The following TBXAS1 variants were observed in gnomAD, a reference collection of about 807,000 sequenced individuals.
TBXAS1 encodes the protein thromboxane A synthase 1, also known as thromboxane-A synthase.
In TBXAS1, 48 loss-of-function variants were observed where a neutral mutation model predicts 60.7. The observed-to-expected ratio is 0.79, with a 90% confidence interval of 0.63 to 1.01. The LOEUF (loss-of-function observed/expected upper bound fraction) is 1.01. Among genes scored for constraint, TBXAS1 ranks in the 50% least tolerant of loss-of-function variants. The pLI is 0.00. For synonymous variants in TBXAS1, 287 were observed against 269.7 expected (o/e 1.06, Z -0.63); for missense variants, 685 against 686.3 (o/e 1.00, Z 0.02).
intron 10 of TBXAS1, among the ~76,000 whole-genome samples, chr7:140,009,363 G>A (rs1814341595): frequency 6.6e-6 from 1 of 152,134 alleles, no homozygotes; most frequent in African/African-American, 2.4e-5. Context: ...TCCTTCCTAC[G>A]GGTTAAATGG....
intron 1 of TBXAS1, among the ~76,000 whole-genome samples, chr7:139,843,712 C>T (rs6972693): frequency 0.46 from 69,685 of 152,064 alleles, 17,122 homozygotes; most frequent in East Asian, 0.88. Context: ...AGAGGAGGGC[C>T]CACATCTTAA....
intron 4 of TBXAS1, among the ~76,000 whole-genome samples, chr7:139,810,608 C>G (rs1429856897): frequency 6.6e-6 from 1 of 152,202 alleles, no homozygotes; most frequent in Non-Finnish European, 1.5e-5. Context: ...TTTTTGTATA[C>G]TATTAACTGC....
At chr7:139,931,338 G>A (rs1187771197) in intron 4 of TBXAS1, among the ~76,000 whole-genome samples, 2 of 152,152 alleles carry the variant, frequency 1.3e-5, no homozygotes, top group South Asian at 2.1e-4. Flanking sequence ...TGACAGACAG[G>A]AGCCTCGAAA....
chr7:140,012,677 T>A (rs1490449238), intron 10 of TBXAS1, among the ~76,000 whole-genome samples: 1 of 152,010 alleles, frequency 6.6e-6, no homozygotes, highest in Admixed American at 6.6e-5. Flanking sequence ...CAGGCTGGTC[T>A]CCAGCTCCTG....
chr7:139,889,168 C>T (rs952209159), intron 3 of TBXAS1, among the ~76,000 whole-genome samples: 1 of 151,738 alleles, frequency 6.6e-6, no homozygotes, highest in Non-Finnish European at 1.5e-5. Flanking sequence ...CACATCTCTA[C>T]AAAAAATACC....
intron 4 of TBXAS1, among the ~76,000 whole-genome samples, chr7:139,810,692 G>A (rs747227052): frequency 4.6e-5 from 7 of 152,118 alleles, no homozygotes; most frequent in African/African-American, 1.2e-4. Context: ...CTAAGAAGAC[G>A]TAGCAGTGCA....
At chr7:140,019,659 T>C (rs1415285465) in intron 12 of TBXAS1, among the ~76,000 whole-genome samples, 1 of 152,236 alleles carries the variant, frequency 6.6e-6, no homozygotes. Context: ...AGTAATTCTT[T>C]GGTTTTTCTT....
At chr7:139,847,522 T>TAACCAACC (rs965268606) in intron 1 of TBXAS1, among the ~76,000 whole-genome samples, 87 of 152,122 alleles carry the variant, frequency 5.7e-4, no homozygotes, top group Admixed American at 1.6e-3. Context: ...GCCAGCCAAC[T>TAACCAACC]AACCAACCAA....
intron 2 of TBXAS1, among the ~76,000 whole-genome samples, chr7:139,781,960 A>G (rs1196152525): frequency 5.3e-5 from 8 of 151,758 alleles, no homozygotes. Flanking sequence ...TTCTACCTGA[A>G]TATGTGTCCT....
chr7:139,908,849 G>A (rs1805302291), intron 3 of TBXAS1, among the ~76,000 whole-genome samples: 2 of 152,108 alleles, frequency 1.3e-5, no homozygotes, highest in South Asian at 4.1e-4. Flanking sequence ...CATTCTTTAA[G>A]GGTAAATATG....
intron 1 of TBXAS1, among the ~76,000 whole-genome samples, chr7:139,850,514 CT>C (rs2116644665): frequency 1.3e-5 from 2 of 152,302 alleles, no homozygotes; most frequent in South Asian, 2.1e-4. Context: ...TTATTTGGGC[CT>C]TTTCCAGGGA....
chr7:139,784,016 T>G lies in TBXAS1; in HGVS notation c.-169+1287T>G, dbSNP rs1361633504. ...ATGCTTGTTTAGTTTTTTTTGTTTT[T>G]TTTTTTTTTGTATTTTTTCCCAAAA... On this transcript the variant is annotated intron_variant, in intron 3 of 16. Transcript: ENST00000336425. Among the ~76,000 whole-genome samples the G allele has an allele frequency of 3.0e-4, 46 of 151,312 alleles. 1 individual carries two copies. Among genetic ancestry groups the G allele is most frequent in the African/African-American group, 1.1e-3 (44 of 41,280 alleles).
At chr7:139,991,037 A>G (rs2117596300) in intron 9 of TBXAS1, among the ~76,000 whole-genome samples, 1 of 152,354 alleles carries the variant, frequency 6.6e-6, no homozygotes, top group South Asian at 2.1e-4. Context: ...TGCCGCAATT[A>G]ACACGTGCCA....
At chr7:139,912,043 C>T (rs1303791045) in intron 4 of TBXAS1, among the ~76,000 whole-genome samples, 1 of 152,098 alleles carries the variant, frequency 6.6e-6, no homozygotes, top group East Asian at 1.9e-4. Flanking sequence ...CCAGCCTGGC[C>T]AACTTGGCGA....
intron 4 of TBXAS1, among the ~76,000 whole-genome samples, chr7:139,802,972 C>T (rs144579194): frequency 0.011 from 1,635 of 152,262 alleles, 31 homozygotes; most frequent in African/African-American, 0.032. Flanking sequence ...TTTTTCTTTA[C>T]AAATTACCCA....
chr7:139,926,433 T>A (rs1236420226), intron 4 of TBXAS1, among the ~76,000 whole-genome samples: 1 of 152,204 alleles, frequency 6.6e-6, no homozygotes, highest in African/African-American at 2.4e-5. Flanking sequence ...TGGCATACAG[T>A]TGCCCATAGT....
In TBXAS1 at chr7:139,999,276, G is replaced by A. The variant is rs1460939084; in HGVS notation, c.1135-7815G>A. Among the ~76,000 whole-genome samples, 4 of 152,228 alleles carry A rather than the reference G, an allele frequency of 2.6e-5. No individual in the cohort carries two copies. The highest frequency in any genetic ancestry group is 6.5e-5 in the Admixed American group (1 of 15,282). ...GCCATGGCTTACGCCTATAATCCCA[G>A]CACTTTGGGAGGCCGAGGTGGGTGA... On this transcript the variant is annotated intron_variant, in intron 9 of 12. Transcript: ENST00000448866. The surrounding 1 kb of genome is among the most constrained non-coding windows in gnomAD (Gnocchi z 4.3).
intron 9 of TBXAS1, among the ~76,000 whole-genome samples, chr7:139,972,186 C>A (rs1811253530): frequency 6.6e-6 from 1 of 152,220 alleles, no homozygotes; most frequent in African/African-American, 2.4e-5. Flanking sequence ...GGGAGGGGCA[C>A]CTGCAAAGAG....
intron 3 of TBXAS1, among the ~76,000 whole-genome samples, chr7:139,909,525 C>T (rs1805354887): frequency 6.6e-6 from 1 of 152,122 alleles, no homozygotes; most frequent in Non-Finnish European, 1.5e-5. Flanking sequence ...TTTCTTTGTA[C>T]CACATCTGTT....
Sources: allele counts gnomAD v4.1 joint callset (sites outside exome capture counted in the v4.1 genomes callset), GRCh38; gene constraint gnomAD v4.1.1; non-coding constraint Gnocchi (gnomAD v3.1); transcripts MANE v1.5; gene names NCBI Gene and HGNC (gene_info 2026-07-23, HGNC 2026-07-21).